Variants in SPOCD1 observed in about 807,000 individuals in gnomAD.
SPOCD1 encodes the protein SPOC domain-containing protein 1.
SPOCD1 carries 64 observed loss-of-function variants against 92.2 expected under a neutral mutation model. That is an observed-to-expected ratio of 0.69 (90% CI 0.57 to 0.86). The LOEUF is 0.86. Among genes scored for constraint, SPOCD1 ranks in the 40% least tolerant of loss-of-function variants. SPOCD1 has a pLI of 0.00. For synonymous variants in SPOCD1, 578 were observed against 619.3 expected (o/e 0.93, Z 0.99); for missense variants, 1,360 against 1,543.1 (o/e 0.88, Z 1.99).
chr1:31,806,608 C>A (rs548169228), intron 2 of SPOCD1, among the ~76,000 whole-genome samples: 1 of 150,240 alleles, frequency 6.7e-6, no homozygotes, highest in Non-Finnish European at 1.5e-5. Context: ...TGCAGTGGTG[C>A]GATCTCGGCT....
rs1256671566 is a variant in SPOCD1, at chr1:31,800,584, C to A, written c.1459G>T (p.Ala487Ser). The change falls in exon 4 of 16, where the codon GCC (alanine) becomes TCC (serine). Residue 487 changes from alanine to serine, a missense_variant. By Grantham distance (99) the Ala-to-Ser change is moderately conservative (BLOSUM62 1). Transcript: ENST00000360482. Reference sequence around the variant, plus strand: ...CCCCCTGCCTGGCCGTGGCTGATGGCCCCCAGGAGCTGGATCACTGGCCCG... The same window carrying A: ...CCCCCTGCCTGGCCGTGGCTGATGGACCCCAGGAGCTGGATCACTGGCCCG... ...GSGPVIQLLG[A>S]ISHGQAGGQL... 1 of 1,609,420 alleles carries A rather than the reference C, an allele frequency of 6.2e-7. No homozygotes were observed. Among genetic ancestry groups the A allele is most frequent in the Non-Finnish European group, 8.5e-7 (1 of 1,177,808 alleles).
At chr1:31,799,252 G>C in intron 7 of SPOCD1, 149 bp downstream of exon 7, 1 of 672,444 alleles carries the variant, frequency 1.5e-6, no homozygotes. Flanking sequence ...GCTCTCCACT[G>C]GCTCTTGGTA....
rs1449241205 is a variant in SPOCD1, at chr1:31,814,751, T to A, written c.583A>T (p.Thr195Ser). Residue 195 changes from threonine to serine, a missense_variant, in exon 2 of 16, where the codon ACA (threonine) becomes TCA (serine). By Grantham distance (58) the Thr-to-Ser change is moderately conservative. Around this residue, in one of 3 missense-constraint regions of SPOCD1, gnomAD observed 606 missense variants for 601.5 expected, o/e 1.01. Coordinates refer to ENST00000360482, the MANE Select transcript of SPOCD1 (RefSeq NM_144569.7). The surrounding 1 kb of genome is among the most constrained non-coding windows in gnomAD (Gnocchi z 4.2). Reference sequence around the variant, plus strand: ...ACAGGGACTGGGTCTGGTGAGGATGTCAGGGGCCTTCCAGGGGGCTCCTCT... The same window carrying A: ...ACAGGGACTGGGTCTGGTGAGGATGACAGGGGCCTTCCAGGGGGCTCCTCT... Reference protein sequence around the residue: ...SKEEPPGRPLTSSPDPVPVRV... With the variant: ...SKEEPPGRPLSSSPDPVPVRV... 1 of 1,613,724 alleles carries A rather than the reference T, an allele frequency of 6.2e-7. No homozygotes were observed. Among genetic ancestry groups the A allele is most frequent in the Non-Finnish European group, 8.5e-7 (1 of 1,179,816 alleles).
chr1:31,792,229 G>A lies in SPOCD1; in HGVS notation c.2948C>T (p.Pro983Leu). 6.2e-7 allele frequency: 1 copy of A among 1,606,508 alleles called. No homozygotes were observed. Among genetic ancestry groups the A allele is most frequent in the Non-Finnish European group, 8.5e-7 (1 of 1,176,612 alleles). The stretch of plus-strand genomic sequence containing the variant: ...TAGGCACTCACCTGGGCCCCCCAAA[G>A]GGCGCAGCCTGGTGGGCAGGGGCTG... ...AFQPLPTRLR[P>L]LGGPGLWALP... The change falls in exon 15 of 16, where the codon CCT becomes CTT. Residue 983 changes from proline to leucine, a missense_variant. Pro to Leu is a moderately conservative substitution (Grantham distance 98). Transcript: ENST00000360482.
chr1:31,801,644 A>C lies in SPOCD1; in HGVS notation c.1425+20T>G. On this transcript the variant is annotated intron_variant, in intron 3 of 15. Transcript: ENST00000360482. ...GAGGCAAGGGAGAAAGAAAAGCAATAATAAAATGTAAAAACCTACGTAGCA... is the reference window on the plus strand; with the variant it reads ...GAGGCAAGGGAGAAAGAAAAGCAATCATAAAATGTAAAAACCTACGTAGCA... 6.2e-7 allele frequency: 1 copy of C among 1,612,022 alleles called. No individual in the cohort carries two copies. Among genetic ancestry groups the C allele is most frequent in the Non-Finnish European group, 8.5e-7 (1 of 1,178,202 alleles).
intron 4 of SPOCD1, 31 bp downstream of exon 4, chr1:31,800,410 G>A (rs1648367620): frequency 6.6e-7 from 1 of 1,522,980 alleles, no homozygotes; most frequent in Non-Finnish European, 8.9e-7. Flanking sequence ...GCCTCTCTCA[G>A]CAGGATTAAA....
chr1:31,807,385 T>C (rs551894245), intron 2 of SPOCD1, among the ~76,000 whole-genome samples: 108 of 6,426 alleles, frequency 0.017, no homozygotes, highest in Non-Finnish European at 0.025. Context: ...CCAGACTCTG[T>C]CTCAAAAGGG....
intron 15 of SPOCD1, 130 bp downstream of exon 15, chr1:31,792,085 C>A: frequency 1.0e-6 from 1 of 989,558 alleles, no homozygotes. Flanking sequence ...ATTGTACTCA[C>A]ATTTGCCTGG....
At chr1:31,794,496 CTTT>C in intron 10 of SPOCD1, 1 of 200,188 alleles carries the variant, frequency 5.0e-6, no homozygotes, top group South Asian at 2.3e-4. Context: ...CTTTTTTTTT[CTTT>C]TCTTTTTTTT....
At chr1:31,799,337 C>G in intron 7 of SPOCD1, 64 bp downstream of exon 7, 1 of 1,430,850 alleles carries the variant, frequency 7.0e-7, no homozygotes, top group Non-Finnish European at 9.7e-7. Flanking sequence ...TGGCAGGGCC[C>G]CGGAGGCGGG....
rs1649478433 is a variant in SPOCD1 at position 31,815,143 on chromosome 1, G to T, written c.191C>A (p.Ala64Asp). The stretch of plus-strand genomic sequence containing the variant: ...AGCCCGGGAGCTGCCACCTCGAAGG[G>T]CCTCCTTCCTGGGGATCTTCCTTCT... ...GSRRKIPRKE[A>D]LRGGSSRAAG... The change falls in exon 2 of 16, where the codon GCC (alanine) becomes GAC (aspartate). Residue 64 changes from alanine (A) to aspartate (D), a missense_variant. Coordinates refer to ENST00000360482, the MANE Select transcript of SPOCD1 (RefSeq NM_144569.7). The T allele has an allele frequency of 6.2e-7, 1 of 1,608,330 alleles. No homozygotes were observed. The highest frequency in any genetic ancestry group is 1.3e-5 in the African/African-American group (1 of 74,804).
intron 15 of SPOCD1, 87 bp downstream of exon 15, chr1:31,792,128 G>T (rs1647636739): frequency 1.4e-6 from 2 of 1,435,456 alleles, no homozygotes; most frequent in Non-Finnish European, 1.9e-6. Flanking sequence ...AGATGTGCCT[G>T]CCTCTACTGG....
In SPOCD1 at chr1:31,800,485, T is replaced by C; in HGVS notation, c.1558A>G (p.Arg520Gly). The change falls in exon 4 of 16, where the codon AGA (arginine) becomes GGA (glycine). Residue 520 changes from arginine to glycine, a missense_variant. Physicochemically the swap from Arg to Gly is moderately radical, Grantham distance 125. This residue lies in a region of SPOCD1 where 606 missense variants were observed against 601.5 expected (regional missense o/e 1.01). Coordinates refer to ENST00000360482, the MANE Select transcript of SPOCD1 (RefSeq NM_144569.7). ...TGCACCATGGGCCTTTTCTTCCTTC[T>C]GAGCCTCTGGGCAGGTGAGGGTGAG... ...VSSPSPAQRLRRKKRPMVQGP... is the reference protein window; with the variant it reads ...VSSPSPAQRLGRKKRPMVQGP... 6.2e-7 allele frequency: 1 copy of C among 1,611,526 alleles called. No homozygotes were observed. Among genetic ancestry groups the C allele is most frequent in the Middle Eastern group, 1.7e-4 (1 of 6,058 alleles).
At position 31,815,027 on chromosome 1, in the gene SPOCD1, G is replaced by C; in HGVS notation, c.307C>G (p.Gln103Glu). 1.2e-6 allele frequency: 2 copies of C among 1,613,840 alleles called. No homozygotes were observed. The highest frequency in any genetic ancestry group is 1.7e-6 in the Non-Finnish European group (2 of 1,179,998). ...CCCTGAGTAGGCACCGAGGGCAGCT[G>C]CATGTGGAGCCCAGGAGCCAGCATC... ...GSMLAPGLHMQLPSVPTQGRA... is the reference protein window; with the variant it reads ...GSMLAPGLHMELPSVPTQGRA... The change falls in exon 2 of 16, where the codon CAG becomes GAG. Residue 103 changes from glutamine to glutamate, a missense_variant. Physicochemically the swap from Gln to Glu is conservative, Grantham distance 29 (BLOSUM62 2). Around this residue, in one of 3 missense-constraint regions of SPOCD1, gnomAD observed 140 missense variants for 183.8 expected, o/e 0.76. Transcript: ENST00000360482.
At chr1:31,808,390 A>T (rs1648979537) in intron 2 of SPOCD1, among the ~76,000 whole-genome samples, 1 of 151,524 alleles carries the variant, frequency 6.6e-6, no homozygotes, top group Admixed American at 6.6e-5. Flanking sequence ...TTCGAAGATA[A>T]AAATCATACT....
rs1477717581 is a variant in SPOCD1 at position 31,798,559 on chromosome 1, C to G, written c.1911G>C (p.Val637=). The G allele has an allele frequency of 1.9e-6, 3 of 1,613,526 alleles. No individual in the cohort carries two copies. In the African/African-American group the frequency reaches 4.0e-5, roughly 22 times the overall value. Residue 637 remains valine, a synonymous_variant, in exon 8 of 16, where the codon GTG becomes GTC. Coordinates refer to ENST00000360482, the MANE Select transcript of SPOCD1 (RefSeq NM_144569.7). This position sits in a 1 kb window ranked among gnomAD's most constrained non-coding sequence, Gnocchi z 4.1. ...CCTCAATGCCAGCAGCAATGCCCTC[C>G]ACCACCTCCTCACTCAGCACTGGGT... ...LPDPVLSEEV[V]EGIAAGIEAA... is the part of the protein sequence containing the mutation.
chr1:31,797,581 T>C (rs911120875), intron 9 of SPOCD1, among the ~76,000 whole-genome samples: 5 of 152,212 alleles, frequency 3.3e-5, no homozygotes, highest in Non-Finnish European at 7.4e-5. Flanking sequence ...TTCTAATCAG[T>C]TCAGTGTCTT....
rs144519692 is a variant in SPOCD1, at chr1:31,792,705, C to T, written c.2748G>A (p.Leu916=). 1.6e-5 allele frequency: 25 copies of T among 1,606,376 alleles called. No homozygotes were observed. The African/African-American group carries it at 2.5e-4, about 16-fold the overall frequency. ...CIPSNIVWDL[L]ASICPAKAKD... ...TGGCCTTGGCTGGGCAGATGCTGGCCAGAAGGTCCCAGACAATGTTGGAGG... is the reference window on the plus strand; with the variant it reads ...TGGCCTTGGCTGGGCAGATGCTGGCTAGAAGGTCCCAGACAATGTTGGAGG... The change falls in exon 14 of 16, where the codon CTG becomes CTA. Residue 916 remains leucine (L), a synonymous_variant. Coordinates refer to ENST00000360482, the MANE Select transcript of SPOCD1 (RefSeq NM_144569.7).
At chr1:31,804,119 G>GA (rs1648656358) in intron 2 of SPOCD1, among the ~76,000 whole-genome samples, 1 of 152,154 alleles carries the variant, frequency 6.6e-6, no homozygotes, top group African/African-American at 2.4e-5. Context: ...CGCATAAAGA[G>GA]AAAAAATAAT....
Sources: gnomAD v4.1 joint callset for allele counts (sites outside exome capture counted in the v4.1 genomes callset) on GRCh38, gnomAD v4.1.1 for gene constraint, gnomAD v4.1.1 regional missense constraint, Gnocchi (gnomAD v3.1) non-coding constraint, MANE v1.5 for transcripts, NCBI Gene and HGNC (gene_info 2026-07-23, HGNC 2026-07-21) for gene names.